CACHD1: variants seen among roughly 807,000 people sequenced by gnomAD.
CACHD1 encodes the protein VWFA and cache domain-containing protein 1.
In CACHD1, 71 loss-of-function variants were observed where a neutral mutation model predicts 138.7. The observed-to-expected ratio is 0.51, with a 90% CI of 0.42 to 0.62. The LOEUF is 0.62. CACHD1 is among the 20% of genes least tolerant of loss of function. The pLI is 0.00. For missense variants in CACHD1, 1,389 were observed against 1,625.3 expected (o/e 0.85, Z 2.50); for synonymous variants, 578 against 591.5 (o/e 0.98, Z 0.33).
intron 7 of CACHD1, among the ~76,000 whole-genome samples, chr1:64,636,005 G>A (rs1648513187): frequency 6.6e-6 from 1 of 151,708 alleles, no homozygotes; most frequent in Admixed American, 6.6e-5. Flanking sequence ...CAGCTACTCA[G>A]GAGGCTGAGG....
chr1:64,579,717 A>C (rs1369222730), intron 2 of CACHD1: 2 of 152,442 alleles, frequency 1.3e-5, no homozygotes, highest in African/African-American at 2.4e-5. Flanking sequence ...GATAAGGTTG[A>C]TGACTCTCAG....
intron 1 of CACHD1, among the ~76,000 whole-genome samples, chr1:64,497,959 C>G (rs934265579): frequency 6.6e-6 from 1 of 152,140 alleles, no homozygotes; most frequent in African/African-American, 2.4e-5. Context: ...AACCCTGTCT[C>G]TACTGAAAAT....
At chr1:64,588,689 T>C (rs903196824) in intron 3 of CACHD1, among the ~76,000 whole-genome samples, 55 of 152,190 alleles carry the variant, frequency 3.6e-4, no homozygotes, top group African/African-American at 1.3e-3. Context: ...AGATCAATAC[T>C]TTTATTGTCC....
Position 64,671,627 on chromosome 1 carries a change from C to G in CACHD1, c.2451C>G (p.Phe817Leu). Residue 817 changes from phenylalanine to leucine, a missense_variant, in exon 17 of 27, where the codon TTC becomes TTG. Coordinates refer to ENST00000651257, the MANE Select transcript of CACHD1 (RefSeq NM_020925.4). The part of the protein sequence containing the change: ...VMGIDFTLRY[F>L]YKVLMDLLPV... ...GCATTGACTTCACACTCAGATACTT[C>G]TACAAAGTTCTGATGGACCTATTAC... 3 of 1,613,820 alleles carry G rather than the reference C, an allele frequency of 1.9e-6. No homozygotes were observed. The highest frequency in any genetic ancestry group is 2.2e-5 in the South Asian group (2 of 91,078).
intron 19 of CACHD1, among the ~76,000 whole-genome samples, chr1:64,675,087 T>C (rs1355354489): frequency 3.3e-5 from 5 of 152,232 alleles, no homozygotes; most frequent in Admixed American, 2.6e-4. Context: ...AGTATTCATT[T>C]TCCTGGTATA....
intron 1 of CACHD1, among the ~76,000 whole-genome samples, chr1:64,510,504 C>T (rs1646411976): frequency 6.6e-6 from 1 of 152,186 alleles, no homozygotes; most frequent in Non-Finnish European, 1.5e-5. Flanking sequence ...GACGACGGAA[C>T]AGCCAGGTAT....
At chr1:64,620,240 T>C (rs1647860827) in intron 4 of CACHD1, among the ~76,000 whole-genome samples, 1 of 152,214 alleles carries the variant, frequency 6.6e-6, no homozygotes, top group African/African-American at 2.4e-5. Flanking sequence ...AGAGACCATA[T>C]TGACTTTGGA....
At chr1:64,677,052 T>C (rs778611579) in intron 22 of CACHD1, 41 bp downstream of exon 22, 1 of 1,427,248 alleles carries the variant, frequency 7.0e-7, no homozygotes, top group Non-Finnish European at 9.8e-7. Context: ...TTCCAGCTAA[T>C]ATTTATTATT....
chr1:64,586,594 C>G (rs1439367929), intron 3 of CACHD1, among the ~76,000 whole-genome samples: 1 of 152,006 alleles, frequency 6.6e-6, no homozygotes, highest in Non-Finnish European at 1.5e-5. Flanking sequence ...CCTCAGTTTC[C>G]TCATCAGTGA....
chr1:64,678,097 C>G, intron 22 of CACHD1, 62 bp from the exon 23 acceptor site: 1 of 1,544,956 alleles, frequency 6.5e-7, no homozygotes, highest in Non-Finnish European at 8.7e-7. Flanking sequence ...GATGCCCACA[C>G]TTAAGTGCTG....
chr1:64,604,872 C>G (rs1003165639), intron 4 of CACHD1, among the ~76,000 whole-genome samples: 1 of 151,854 alleles, frequency 6.6e-6, no homozygotes, highest in Non-Finnish European at 1.5e-5. Context: ...AGGCTGGTCT[C>G]GAACTCCTAA....
intron 4 of CACHD1, among the ~76,000 whole-genome samples, chr1:64,614,252 T>G (rs1223698636): frequency 6.6e-6 from 1 of 152,168 alleles, no homozygotes; most frequent in Non-Finnish European, 1.5e-5. Context: ...TGGATTGCTT[T>G]TCTTGCCTGG....
Position 64,677,580 on chromosome 1 carries a change from C to T in CACHD1, c.3092+569C>T, listed in dbSNP as rs142487295. The stretch of plus-strand genomic sequence containing the variant: ...TAGAGGGATAGCTTACTCTGCTTTG[C>T]GTGTGTATTTTAGCAAAGGAATTGT... On this transcript the variant is annotated intron_variant, in intron 22 of 26. Transcript: ENST00000651257. 5.5e-3 allele frequency among the ~76,000 whole-genome samples: 840 copies of T among 152,236 alleles called. 4 individuals carry two copies. Among genetic ancestry groups the T allele is most frequent in the South Asian group, 6.4e-3 (31 of 4,814 alleles).
intron 1 of CACHD1, among the ~76,000 whole-genome samples, chr1:64,508,577 G>C (rs888531443): frequency 5.3e-5 from 8 of 152,170 alleles, no homozygotes; most frequent in Admixed American, 2.0e-4. Context: ...GCCAGGCAAA[G>C]CACATATGAG....
At position 64,663,700 on chromosome 1, in the gene CACHD1, C is replaced by G; in HGVS notation, c.1957C>G (p.Pro653Ala). 1 of 1,614,106 alleles carries G rather than the reference C, an allele frequency of 6.2e-7. No homozygotes were observed. The highest frequency in any genetic ancestry group is 1.3e-5 in the African/African-American group (1 of 75,024). ...HFKQLATLES[P>A]TIMLSAGSFS... is the part of the protein sequence containing the mutation. ...TTTGTTTGCTTCTCTTTCAGAAAGT[C>G]CCACCATCATGCTGTCTGCTGGCAG... Residue 653 changes from proline (P) to alanine (A), a missense_variant, in exon 14 of 27, where the codon CCC becomes GCC. Around this residue, in one of 5 missense-constraint regions of CACHD1, gnomAD observed 1,000 missense variants for 1,114.7 expected, o/e 0.90. Transcript: ENST00000651257.
intron 4 of CACHD1, among the ~76,000 whole-genome samples, chr1:64,628,273 G>A (rs748699176): frequency 2.6e-5 from 4 of 152,024 alleles, no homozygotes; most frequent in Non-Finnish European, 4.4e-5. Context: ...ACCTTAGCTC[G>A]GAATCTTCCC....
chr1:64,679,290 G>T (rs1650090667), intron 23 of CACHD1, among the ~76,000 whole-genome samples: 1 of 152,140 alleles, frequency 6.6e-6, no homozygotes, highest in Admixed American at 6.5e-5. Context: ...AGGGAGCTAG[G>T]ACTCTGTTGG....
intron 2 of CACHD1, among the ~76,000 whole-genome samples, chr1:64,564,824 G>C (rs1646868859): frequency 1.3e-5 from 2 of 152,090 alleles, no homozygotes; most frequent in South Asian, 4.2e-4. Context: ...CTTTGCATTT[G>C]TATTACTTTT....
chr1:64,629,278 A>G lies in CACHD1; in HGVS notation c.518-77A>G, dbSNP rs1258593267. The G allele has an allele frequency of 2.6e-6, 4 of 1,514,394 alleles. No individual in the cohort carries two copies. The African/African-American group carries it at 4.2e-5, about 16-fold the overall frequency. 93.8% of individuals were successfully genotyped at this position (1,514,394 alleles called of 1,614,324 possible). A position where few individuals can be genotyped will look rare whatever the true frequency, so the allele number is the denominator to read the frequency against. On this transcript the variant is annotated intron_variant, in intron 4 of 26. Transcript: ENST00000651257. ...CTTCATACTAGAAGCAGTTTATGCAAAACAGATGCCTGAGGAGCAGTGCCT... is the reference window on the plus strand; with the variant it reads ...CTTCATACTAGAAGCAGTTTATGCAGAACAGATGCCTGAGGAGCAGTGCCT...
Sources: allele counts gnomAD v4.1 joint callset (sites outside exome capture counted in the v4.1 genomes callset), GRCh38; gene constraint gnomAD v4.1.1; regional missense constraint gnomAD v4.1.1; transcripts MANE v1.5; gene names NCBI Gene and HGNC (gene_info 2026-07-23, HGNC 2026-07-21).